The following TTC29 variants were observed in gnomAD, a reference collection of about 807,000 sequenced individuals.
TTC29 encodes the protein tetratricopeptide repeat protein 29.
A neutral mutation model predicts 58.1 loss-of-function variants in TTC29; 49 were observed. That is an observed-to-expected ratio of 0.84 (90% confidence interval 0.67 to 1.07). The LOEUF (loss-of-function observed/expected upper bound fraction) is 1.07, where lower values mean the gene tolerates loss of function less well. Among genes scored for constraint, TTC29 ranks in the 50% least tolerant of loss-of-function variants. The pLI is 0.00. For missense variants in TTC29, 582 were observed against 555.6 expected (o/e 1.05, Z -0.48); for synonymous variants, 209 against 196.8 (o/e 1.06, Z -0.52).
chr4:146,937,679 T>G lies in TTC29; in HGVS notation c.93-2A>C. ...TCTTTTTCTTTGATCAATTGAGACC[T>G]AAATGAAATAGAAAGAAATAATAAA... On this transcript the variant is annotated splice_acceptor_variant, in intron 3 of 12. Transcript: ENST00000325106. LOFTEE classifies it high-confidence loss of function. 6.9e-7 allele frequency: 1 copy of G among 1,457,868 alleles called. No individual in the cohort carries two copies. Among genetic ancestry groups the G allele is most frequent in the Non-Finnish European group, 9.3e-7 (1 of 1,077,998 alleles). The allele number at this position is 1,457,868 out of a possible 1,614,324, so 90.3% of individuals were successfully genotyped here.
chr4:146,834,175 T>C (rs980392711), intron 8 of TTC29, among the ~76,000 whole-genome samples: 3 of 152,318 alleles, frequency 2.0e-5, no homozygotes, highest in African/African-American at 7.2e-5. Flanking sequence ...AACTTAGGTG[T>C]GAATAAATAA....
intron 8 of TTC29, among the ~76,000 whole-genome samples, chr4:146,839,786 C>A (rs576031956): frequency 1.3e-5 from 2 of 151,438 alleles, no homozygotes; most frequent in African/African-American, 4.9e-5. Flanking sequence ...TTCCGCAATA[C>A]CTTGGCATCT....
chr4:146,810,788 T>C lies in TTC29; in HGVS notation c.1102-7103A>G, dbSNP rs575615345. Among the ~76,000 whole-genome samples the C allele has an allele frequency of 2.6e-5, 4 of 152,078 alleles. No individual in the cohort carries two copies. The East Asian group carries it at 7.7e-4, about 29-fold the overall frequency. ...TATATGTTTGGTAGAGACAGGGTTT[T>C]ATCATGTTGGTCAGGCTGGTTTCAA... On this transcript the variant is annotated intron_variant, in intron 10 of 12. Transcript: ENST00000325106.
chr4:146,867,008 T>C (rs1561202302), intron 8 of TTC29, among the ~76,000 whole-genome samples: 1 of 152,150 alleles, frequency 6.6e-6, no homozygotes, highest in Non-Finnish European at 1.5e-5. Flanking sequence ...AGGCTACTTC[T>C]CAGACTGAGA....
chr4:146,936,814 TAG>T (rs1258302924), intron 4 of TTC29, among the ~76,000 whole-genome samples: 3 of 152,184 alleles, frequency 2.0e-5, no homozygotes, highest in East Asian at 3.9e-4. Context: ...GACAAATTAA[TAG>T]AGAGAATCTT....
At chr4:146,707,426 G>A (rs1455691770) in intron 12 of TTC29, 59 bp downstream of exon 12, 31 of 1,222,932 alleles carry the variant, frequency 2.5e-5, no homozygotes, top group Non-Finnish European at 3.6e-5. Context: ...ATGAGATTAT[G>A]CTTAGTATAT....
intron 10 of TTC29, among the ~76,000 whole-genome samples, chr4:146,816,302 T>C (rs980240048): frequency 6.6e-6 from 1 of 152,228 alleles, no homozygotes; most frequent in African/African-American, 2.4e-5. Flanking sequence ...GCTCCCTCAT[T>C]AGACTGTGAG....
rs773255711 is a variant in TTC29, at chr4:146,707,480, C to A, written c.1397+5G>T. The A allele has an allele frequency of 6.2e-6, 10 of 1,605,494 alleles. No individual in the cohort carries two copies. Among genetic ancestry groups the A allele is most frequent in the Non-Finnish European group, 8.5e-6 (10 of 1,174,374 alleles). On this transcript the variant is annotated splice_donor_5th_base_variant and intron_variant, in intron 12 of 12. Transcript: ENST00000325106. ...AATAGAAACTTTTTACTTGATTTAT[C>A]ATACCTACTGAGTTCTTCCAAACGT... is the stretch of plus-strand genomic sequence containing the variant.
intron 6 of TTC29, among the ~76,000 whole-genome samples, chr4:146,887,029 G>A (rs150432751): frequency 3.3e-5 from 5 of 152,154 alleles, no homozygotes; most frequent in Non-Finnish European, 7.4e-5. Context: ...TAGAAGCAAT[G>A]AATAGAATGG....
intron 11 of TTC29, among the ~76,000 whole-genome samples, chr4:146,719,512 C>T (rs1275313230): frequency 6.6e-6 from 1 of 152,128 alleles, no homozygotes; most frequent in Non-Finnish European, 1.5e-5. Context: ...ACCTCTTAGG[C>T]AAGTGTATAG....
At chr4:146,750,636 G>T (rs1745911492) in intron 11 of TTC29, among the ~76,000 whole-genome samples, 1 of 152,114 alleles carries the variant, frequency 6.6e-6, no homozygotes, top group Admixed American at 6.6e-5. Context: ...TGCAACAGAG[G>T]TTAAATTATT....
intron 8 of TTC29, among the ~76,000 whole-genome samples, chr4:146,834,813 G>A (rs982714003): frequency 2.6e-5 from 4 of 152,076 alleles, no homozygotes; most frequent in Non-Finnish European, 2.9e-5. Context: ...TGAGCGGCAG[G>A]GTTGATATTT....
chr4:146,717,881 T>C (rs999574665), intron 11 of TTC29, among the ~76,000 whole-genome samples: 1 of 152,184 alleles, frequency 6.6e-6, no homozygotes, highest in African/African-American at 2.4e-5. Context: ...TTGTACTTTT[T>C]TACCATTATC....
chr4:146,740,338 T>C (rs1745028226), intron 11 of TTC29, among the ~76,000 whole-genome samples: 1 of 152,104 alleles, frequency 6.6e-6, no homozygotes, highest in Non-Finnish European at 1.5e-5. Flanking sequence ...AGCTCAAGGG[T>C]AACAAAGAGG....
intron 11 of TTC29, among the ~76,000 whole-genome samples, chr4:146,720,481 A>G (rs1385811836): frequency 6.6e-6 from 1 of 152,162 alleles, no homozygotes; most frequent in African/African-American, 2.4e-5. Context: ...TTTTTATGTT[A>G]CGTAAAGCAA....
chr4:146,867,049 C>A (rs980410130), intron 8 of TTC29, among the ~76,000 whole-genome samples: 1 of 152,170 alleles, frequency 6.6e-6, no homozygotes, highest in Non-Finnish European at 1.5e-5. Flanking sequence ...TGTTGCCTCC[C>A]CACTACCTGC....
intron 4 of TTC29, among the ~76,000 whole-genome samples, chr4:146,925,435 A>G (rs1309117437): frequency 1.3e-5 from 2 of 152,080 alleles, no homozygotes; most frequent in African/African-American, 4.8e-5. Context: ...TCCTTTTATC[A>G]TTATAAAATA....
At chr4:146,820,994 G>A (rs1204759967) in intron 9 of TTC29, among the ~76,000 whole-genome samples, 1 of 151,656 alleles carries the variant, frequency 6.6e-6, no homozygotes, top group Non-Finnish European at 1.5e-5. Flanking sequence ...ATCACAGCCT[G>A]GGCAACAGAG....
intron 11 of TTC29, among the ~76,000 whole-genome samples, chr4:146,725,573 G>T (rs2150011078): frequency 6.6e-6 from 1 of 152,080 alleles, no homozygotes; most frequent in South Asian, 2.1e-4. Flanking sequence ...TACTTTTATG[G>T]CTAATTCCAC....
Sources: allele counts gnomAD v4.1 joint callset (sites outside exome capture counted in the v4.1 genomes callset), GRCh38; gene constraint gnomAD v4.1.1; transcripts MANE v1.5; gene names NCBI Gene and HGNC (gene_info 2026-07-23, HGNC 2026-07-21).